ARNT2: variants seen among roughly 807,000 people sequenced by gnomAD.
The protein encoded by ARNT2 is aryl hydrocarbon receptor nuclear translocator 2.
In ARNT2, 36 loss-of-function variants were observed where a neutral mutation model predicts 91.7. That is an observed-to-expected ratio of 0.39 (90% confidence interval 0.30 to 0.52). The LOEUF is 0.52. ARNT2 is among the 20% of genes least tolerant of loss of function. The probability of loss-of-function intolerance (pLI) is 0.72; values close to 1 mark genes in which losing one functional copy is unlikely to be tolerated. For missense variants in ARNT2, 775 were observed against 939.3 expected (o/e 0.83, Z 2.29); for synonymous variants, 365 against 347.1 (o/e 1.05, Z -0.57).
At chr15:80,504,950 G>A (rs964006287) in intron 5 of ARNT2, among the ~76,000 whole-genome samples, 1 of 152,052 alleles carries the variant, frequency 6.6e-6, no homozygotes, top group Non-Finnish European at 1.5e-5. Context: ...TATGAGAGGA[G>A]GGCAGGGGCC....
At chr15:80,562,926 A>AT (rs771059118) in intron 11 of ARNT2, 162 bp from the exon 12 acceptor site, 6 of 762,438 alleles carry the variant, frequency 7.9e-6, no homozygotes, top group African/African-American at 6.9e-5. Flanking sequence ...AGGAGTTCCC[A>AT]TTGCAAAACT....
chr15:80,532,124 A>G (rs1275664579), intron 8 of ARNT2, among the ~76,000 whole-genome samples: 2 of 152,342 alleles, frequency 1.3e-5, no homozygotes, highest in African/African-American at 2.4e-5. Flanking sequence ...CAGCAACACT[A>G]TAGAATAGGA....
chr15:80,448,133 G>T (rs1896332594), intron 1 of ARNT2, among the ~76,000 whole-genome samples: 1 of 151,826 alleles, frequency 6.6e-6, no homozygotes, highest in Admixed American at 6.6e-5. Flanking sequence ...TTTTTAAAAT[G>T]CCCCTTCAAG....
intron 5 of ARNT2, among the ~76,000 whole-genome samples, chr15:80,480,210 C>G (rs988240756): frequency 2.6e-5 from 4 of 152,128 alleles, no homozygotes; most frequent in African/African-American, 9.7e-5. Context: ...CCCCAGCTCT[C>G]TGCAGGGAAG....
intron 1 of ARNT2, among the ~76,000 whole-genome samples, chr15:80,418,400 C>T (rs1250810883): frequency 6.6e-6 from 1 of 152,228 alleles, no homozygotes; most frequent in African/African-American, 2.4e-5. Context: ...CTGGATCCGG[C>T]TGCTTCCTCC....
At chr15:80,453,546 C>G (rs944562393) in intron 2 of ARNT2, among the ~76,000 whole-genome samples, 1 of 152,238 alleles carries the variant, frequency 6.6e-6, no homozygotes, top group East Asian at 1.9e-4. Flanking sequence ...GAGGCCTCCG[C>G]TGTTCTAGAA....
At chr15:80,587,540 A>G (rs1001041527) in intron 17 of ARNT2, among the ~76,000 whole-genome samples, 2 of 152,186 alleles carry the variant, frequency 1.3e-5, no homozygotes, top group Admixed American at 1.3e-4. Context: ...ACCTCACAAG[A>G]AAAAATGTTA....
chr15:80,537,196 C>T (rs1026491612), intron 8 of ARNT2, among the ~76,000 whole-genome samples: 6 of 152,178 alleles, frequency 3.9e-5, no homozygotes, highest in Admixed American at 1.3e-4. Flanking sequence ...TTTGTATGGA[C>T]TTTCTCACTT....
At chr15:80,565,828 TTGTC>T (rs925640726) in intron 12 of ARNT2, among the ~76,000 whole-genome samples, 8 of 151,776 alleles carry the variant, frequency 5.3e-5, no homozygotes, top group Non-Finnish European at 8.8e-5. Flanking sequence ...ATTCTGTAGA[TTGTC>T]TGTTTACTCT....
chr15:80,436,186 G>T (rs1896082843), intron 1 of ARNT2: 1 of 152,538 alleles, frequency 6.6e-6, no homozygotes. Context: ...TCTGGACTCT[G>T]ATCTTACTGA....
intron 8 of ARNT2, among the ~76,000 whole-genome samples, chr15:80,535,286 C>T (rs1428669147): frequency 1.3e-5 from 2 of 152,148 alleles, no homozygotes; most frequent in East Asian, 1.9e-4. Flanking sequence ...TTTTTGCAAT[C>T]GTTATGTCAG....
At chr15:80,453,020 C>A (rs1896424213) in intron 2 of ARNT2, among the ~76,000 whole-genome samples, 1 of 152,218 alleles carries the variant, frequency 6.6e-6, no homozygotes, top group African/African-American at 2.4e-5. Context: ...AATCCTCACA[C>A]CTTGGCCTCC....
At chr15:80,563,595 G>A (rs562447576) in intron 12 of ARNT2, among the ~76,000 whole-genome samples, 1 of 152,208 alleles carries the variant, frequency 6.6e-6, no homozygotes, top group Non-Finnish European at 1.5e-5. Context: ...TGCAGCAGCT[G>A]CTTGTGCCTG....
At chr15:80,493,310 T>C (rs937279950) in intron 5 of ARNT2, among the ~76,000 whole-genome samples, 6 of 145,238 alleles carry the variant, frequency 4.1e-5, no homozygotes, top group African/African-American at 1.6e-4. Context: ...AAGTTTCCAA[T>C]ACATGAGCTT....
At chr15:80,467,387 T>C (rs1179848976) in intron 3 of ARNT2, among the ~76,000 whole-genome samples, 3 of 152,158 alleles carry the variant, frequency 2.0e-5, no homozygotes, top group South Asian at 2.1e-4. Context: ...GAATGGCTAT[T>C]GCCTGGTGAT....
chr15:80,559,834 G>C (rs1228166193), intron 11 of ARNT2, among the ~76,000 whole-genome samples: 1 of 152,226 alleles, frequency 6.6e-6, no homozygotes, highest in Non-Finnish European at 1.5e-5. Context: ...AGGCTAAGCC[G>C]GGTTTTACGC....
chr15:80,541,508 C>A (rs1322093040), intron 8 of ARNT2, among the ~76,000 whole-genome samples: 1 of 152,114 alleles, frequency 6.6e-6, no homozygotes, highest in East Asian at 1.9e-4. Context: ...TCCTACTTGT[C>A]AATTTTTTTC....
At chr15:80,552,584 C>T in intron 9 of ARNT2, 56 bp from the exon 10 acceptor site, 1 of 1,582,664 alleles carries the variant, frequency 6.3e-7, no homozygotes, top group Non-Finnish European at 8.6e-7. Context: ...TCTCTGTCAC[C>T]ATCTCCATCT....
intron 1 of ARNT2, among the ~76,000 whole-genome samples, chr15:80,433,237 A>ATTTTATTTTATTTTAT (rs879593071): frequency 0.25 from 7,741 of 30,884 alleles, 395 homozygotes; most frequent in East Asian, 0.47. Flanking sequence ...TATTTTATTT[A>ATTTTATTTTATTTTAT]TTTTATTTTA....
Sources: gnomAD v4.1 joint callset for allele counts (sites outside exome capture counted in the v4.1 genomes callset) on GRCh38, gnomAD v4.1.1 for gene constraint, MANE v1.5 for transcripts, NCBI Gene and HGNC (gene_info 2026-07-23, HGNC 2026-07-21) for gene names.